B3GLCT: variants seen among roughly 807,000 people sequenced by gnomAD.
B3GLCT encodes beta 3-glucosyltransferase.
A neutral mutation model predicts 63.4 loss-of-function variants in B3GLCT; 65 were observed. That is an observed-to-expected ratio of 1.03 (90% CI 0.84 to 1.26). The LOEUF is 1.26. B3GLCT is among the 50% of genes most tolerant of loss of function. The pLI is 0.00. For synonymous variants in B3GLCT, 233 were observed against 219.2 expected, an observed-to-expected ratio of 1.06 and a Z score of -0.55; for missense variants, 577 against 604.8, an observed-to-expected ratio of 0.95 and a Z score of 0.48.
intron 14 of B3GLCT, among the ~76,000 whole-genome samples, chr13:31,326,506 C>T (rs1875632031): frequency 6.6e-6 from 1 of 152,032 alleles, no homozygotes; most frequent in Non-Finnish European, 1.5e-5. Flanking sequence ...TGGTCTCGAT[C>T]TCCTGACCTT....
rs543664010 is a variant in B3GLCT at position 31,298,319 on chromosome 13, A to C, written c.1064+11500A>C. ...CTTACATCAAAAGAACATACAACTCAAAAGATATTGCCACATTAGAGTCTC... is the reference window on the plus strand; with the variant it reads ...CTTACATCAAAAGAACATACAACTCCAAAGATATTGCCACATTAGAGTCTC... On this transcript the variant is annotated intron_variant, in intron 12 of 14. Transcript: ENST00000343307. Among the ~76,000 whole-genome samples, 22 of 152,336 alleles carry C rather than the reference A, an allele frequency of 1.4e-4. No individual in the cohort carries two copies. In the South Asian group the frequency reaches 4.1e-3, roughly 29 times the overall value.
chr13:31,314,938 A>T (rs1321702820), intron 12 of B3GLCT, among the ~76,000 whole-genome samples: 1 of 152,166 alleles, frequency 6.6e-6, no homozygotes, highest in East Asian at 1.9e-4. Context: ...GACTCATGAG[A>T]TCTGATGGGT....
chr13:31,295,234 G>A (rs952763429), intron 12 of B3GLCT, among the ~76,000 whole-genome samples: 1 of 152,228 alleles, frequency 6.6e-6, no homozygotes, highest in Non-Finnish European at 1.5e-5. Context: ...GAGCTCTGCT[G>A]TATGAGGAGT....
At chr13:31,271,291 A>T (rs1337049221) in intron 8 of B3GLCT, among the ~76,000 whole-genome samples, 1 of 152,262 alleles carries the variant, frequency 6.6e-6, no homozygotes, top group Non-Finnish European at 1.5e-5. Context: ...ATGTTGATTC[A>T]TGCAGCTCTA....
Position 31,229,315 on chromosome 13 carries a change from G to A in B3GLCT, c.270+21G>A, listed in dbSNP as rs201347664. 2.9e-6 allele frequency: 4 copies of A among 1,373,366 alleles called. No homozygotes were observed. In the East Asian group the frequency reaches 9.1e-5, roughly 31 times the overall value. The allele number at this position is 1,373,366 out of a possible 1,614,324, so 85.1% of individuals were successfully genotyped here. ...CACAGGTACGTAGCGATGGCTGGGG[G>A]GTCTGCCAGTTATGTATTTCTTGAT... On this transcript the variant is annotated intron_variant, in intron 4 of 14. Coordinates refer to ENST00000343307, the MANE Select transcript of B3GLCT (RefSeq NM_194318.4).
In B3GLCT at chr13:31,329,740, T is replaced by G; in HGVS notation, c.*72T>G. 1 of 1,532,860 alleles carries G rather than the reference T, an allele frequency of 6.5e-7. No individual in the cohort carries two copies. The allele number at this position is 1,532,860 out of a possible 1,614,324, so 95.0% of individuals were successfully genotyped here. A position where few individuals can be genotyped will look rare whatever the true frequency, so the allele number is the denominator to read the frequency against. On this transcript the variant is annotated 3_prime_UTR_variant, in exon 15 of 15. Transcript: ENST00000343307. ...ACTGTGGCCTCATCCCACTGTGCTG[T>G]GCTCACAACACTTGTGTCTGCCACA...
intron 3 of B3GLCT, 123 bp from the exon 4 acceptor site, chr13:31,229,062 T>C (rs1478890648): frequency 1.3e-5 from 9 of 679,952 alleles, no homozygotes; most frequent in Non-Finnish European, 2.4e-5. Context: ...ACGAATTGAT[T>C]TTTTCCCATT....
chr13:31,302,198 G>A (rs893217986), intron 12 of B3GLCT, among the ~76,000 whole-genome samples: 1 of 152,316 alleles, frequency 6.6e-6, no homozygotes, highest in Non-Finnish European at 1.5e-5. Flanking sequence ...TTTTGCAGCA[G>A]TAAGTTTATA....
chr13:31,328,506 T>C (rs1043024679), intron 14 of B3GLCT, among the ~76,000 whole-genome samples: 4 of 151,890 alleles, frequency 2.6e-5, no homozygotes, highest in South Asian at 2.1e-4. Flanking sequence ...CCAGGCTGGC[T>C]AACATGGTGA....
At chr13:31,269,531 G>A (rs190488749) in intron 8 of B3GLCT, among the ~76,000 whole-genome samples, 1 of 152,198 alleles carries the variant, frequency 6.6e-6, no homozygotes. Context: ...TAGATGAATG[G>A]GTCCAGAGGT....
chr13:31,325,617 T>C (rs1875565708), intron 14 of B3GLCT, among the ~76,000 whole-genome samples: 1 of 152,222 alleles, frequency 6.6e-6, no homozygotes, highest in African/African-American at 2.4e-5. Flanking sequence ...CTAATTCACA[T>C]ACATTTTAAA....
intron 4 of B3GLCT, 67 bp from the exon 5 acceptor site, chr13:31,246,946 CTTTTCTTTTT>C (rs1424290147): frequency 3.5e-5 from 35 of 1,011,088 alleles, no homozygotes; most frequent in Middle Eastern, 2.3e-4. Flanking sequence ...CTTTTCTTTT[CTTTTCTTTTT>C]TTTTTTTTTT....
chr13:31,201,315 TGGCATTTCTATA>T (rs1472536701), intron 1 of B3GLCT, among the ~76,000 whole-genome samples: 1 of 152,258 alleles, frequency 6.6e-6, no homozygotes, highest in Non-Finnish European at 1.5e-5. Flanking sequence ...TGTGTACTTC[TGGCATTTCTATA>T]GGCGCTCAGT....
At chr13:31,226,778 A>T (rs962500978) in intron 3 of B3GLCT, among the ~76,000 whole-genome samples, 1 of 152,196 alleles carries the variant, frequency 6.6e-6, no homozygotes, top group Admixed American at 6.5e-5. Context: ...TAAAAAAAGT[A>T]TTAGGAAATA....
chr13:31,258,445 C>T (rs188895954), intron 6 of B3GLCT, among the ~76,000 whole-genome samples: 186 of 152,240 alleles, frequency 1.2e-3, no homozygotes, highest in African/African-American at 3.7e-3. Context: ...AATACTACTA[C>T]GCTGTTTCAG....
At chr13:31,200,745 T>A (rs1868616675) in intron 1 of B3GLCT, among the ~76,000 whole-genome samples, 1 of 151,942 alleles carries the variant, frequency 6.6e-6, no homozygotes, top group Admixed American at 6.5e-5. Flanking sequence ...CCCTGGCCCC[T>A]GAGGATAAGC....
chr13:31,300,310 A>T (rs1174421013), intron 12 of B3GLCT, among the ~76,000 whole-genome samples: 1 of 152,182 alleles, frequency 6.6e-6, no homozygotes, highest in Non-Finnish European at 1.5e-5. Flanking sequence ...TCCCTTACTA[A>T]AGTGTTCCTC....
At chr13:31,257,702 A>G (rs1871811477) in intron 6 of B3GLCT, among the ~76,000 whole-genome samples, 1 of 152,070 alleles carries the variant, frequency 6.6e-6, no homozygotes, top group African/African-American at 2.4e-5. Context: ...ATTCTGATAA[A>G]TAATAGAGAG....
chr13:31,322,003 G>A (rs979979104), intron 13 of B3GLCT, among the ~76,000 whole-genome samples: 9 of 152,120 alleles, frequency 5.9e-5, no homozygotes, highest in African/African-American at 1.9e-4. Context: ...CCCCTCTTCC[G>A]AGTTCCCAAA....
Sources: gnomAD v4.1 joint callset for allele counts (sites outside exome capture counted in the v4.1 genomes callset) on GRCh38, gnomAD v4.1.1 for gene constraint, MANE v1.5 for transcripts, NCBI Gene and HGNC (gene_info 2026-07-23, HGNC 2026-07-21) for gene names.